PIEZO2: variants seen among roughly 807,000 people sequenced by gnomAD.
The protein encoded by PIEZO2 is piezo-type mechanosensitive ion channel component 2.
In PIEZO2, 172 loss-of-function variants were observed where a neutral mutation model predicts 337.3. The observed-to-expected ratio is 0.51, with a 90% CI of 0.45 to 0.58. PIEZO2 has a LOEUF of 0.58. Ranked by LOEUF, PIEZO2 falls within the 20% of genes least tolerant of loss-of-function variation. The pLI, the probability that PIEZO2 is intolerant of heterozygous loss-of-function variation, is 0.00. For missense variants in PIEZO2, 3,028 were observed against 3,391.3 expected (o/e 0.89, Z 2.66); for synonymous variants, 1,251 against 1,228.5 (o/e 1.02, Z -0.38).
Position 10,677,968 on chromosome 18 carries a change from T to G in PIEZO2, c.7953-93A>C. On this transcript the variant is annotated intron_variant, in intron 52 of 55. Coordinates refer to ENST00000674853, the MANE Select transcript of PIEZO2 (RefSeq NM_001378183.1). The surrounding 1 kb of genome is among the most constrained non-coding windows in gnomAD (Gnocchi z 4.1). ...TATTTAACTCTTAATTTGATTAATG[T>G]CACCACGTTTTCATTGGGTCCACAA... 2 of 1,272,118 alleles carry G rather than the reference T, an allele frequency of 1.6e-6. No homozygotes were observed. The highest frequency in any genetic ancestry group is 2.1e-6 in the Non-Finnish European group (2 of 948,952). The allele number at this position is 1,272,118 out of a possible 1,614,324, so 78.8% of individuals were successfully genotyped here.
At chr18:11,086,408 A>G (rs987488782) in intron 1 of PIEZO2, among the ~76,000 whole-genome samples, 31 of 151,082 alleles carry the variant, frequency 2.1e-4, no homozygotes, top group Admixed American at 4.0e-4. Context: ...AGTCCCAGCT[A>G]CTCAGGAGGC....
rs568726538 is a variant in PIEZO2 at position 10,919,049 on chromosome 18, AT to A, written c.287-7822del. Among the ~76,000 whole-genome samples the A allele has an allele frequency of 2.0e-4, 30 of 152,130 alleles. No homozygotes were observed. The South Asian group carries it at 4.4e-3, about 22-fold the overall frequency. On this transcript the variant is annotated intron_variant, in intron 3 of 55. Transcript: ENST00000674853. ...TATTCAAATATATGTGCTCAATTGAATTTTTTTAACACAGAGTTGAGTTTTT... is the reference window on the plus strand; with the variant it reads ...TATTCAAATATATGTGCTCAATTGAATTTTTTAACACAGAGTTGAGTTTTT...
chr18:10,866,211 T>C (rs969029945), intron 5 of PIEZO2, among the ~76,000 whole-genome samples: 2 of 152,206 alleles, frequency 1.3e-5, no homozygotes, highest in Non-Finnish European at 2.9e-5. Context: ...AAATCATTTT[T>C]ATTATGAGTT....
Position 10,759,354 on chromosome 18 carries a change from T to C in PIEZO2, c.3757+128A>G. 2.6e-6 allele frequency: 2 copies of C among 779,236 alleles called. No individual in the cohort carries two copies. Among genetic ancestry groups the C allele is most frequent in the African/African-American group, 3.5e-5 (2 of 57,420 alleles). The allele number at this position is 779,236 out of a possible 1,614,324, so 48.3% of individuals were successfully genotyped here. On this transcript the variant is annotated intron_variant, in intron 26 of 55. Coordinates refer to ENST00000674853, the MANE Select transcript of PIEZO2 (RefSeq NM_001378183.1). The surrounding 1 kb of genome is among the most constrained non-coding windows in gnomAD (Gnocchi z 5.5). ...ATTAATGACTTGTGATATTAATGCA[T>C]AAGACAAGCCTTTACATGATTACGA...
At chr18:10,996,900 C>T (rs2035343483) in intron 2 of PIEZO2, among the ~76,000 whole-genome samples, 1 of 152,120 alleles carries the variant, frequency 6.6e-6, no homozygotes, top group African/African-American at 2.4e-5. Flanking sequence ...AAATTTATAT[C>T]TCTGACCAAA....
At chr18:11,044,195 TATATTATAC>T (rs1467624050) in intron 2 of PIEZO2, among the ~76,000 whole-genome samples, 4 of 149,570 alleles carry the variant, frequency 2.7e-5, no homozygotes, top group African/African-American at 9.8e-5. Context: ...TAATATAATA[TATATTATAC>T]ATAAAATATA....
intron 2 of PIEZO2, among the ~76,000 whole-genome samples, chr18:11,059,701 G>A (rs1429822995): frequency 6.6e-6 from 1 of 152,026 alleles, no homozygotes; most frequent in African/African-American, 2.4e-5. Flanking sequence ...CAACAAGAAG[G>A]GCTAACTACC....
At chr18:11,145,126 G>A (rs1599028987) in intron 1 of PIEZO2, among the ~76,000 whole-genome samples, 1 of 152,134 alleles carries the variant, frequency 6.6e-6, no homozygotes, top group Admixed American at 6.5e-5. Flanking sequence ...TTATGTGTAA[G>A]AAAAAAAATC....
At position 10,705,387 on chromosome 18, in the gene PIEZO2, A is replaced by T; in HGVS notation, c.5948T>A (p.Ile1983Asn). 16 of 1,537,176 alleles carry T rather than the reference A, an allele frequency of 1.0e-5. No individual in the cohort carries two copies. Among genetic ancestry groups the T allele is most frequent in the Non-Finnish European group, 1.3e-5 (15 of 1,146,878 alleles). Residue 1983 changes from isoleucine (I) to asparagine (N), a missense_variant, in exon 41 of 56, where the codon ATC becomes AAC. Ile to Asn is a moderately radical substitution (Grantham distance 149, BLOSUM62 -3). Coordinates refer to ENST00000674853, the MANE Select transcript of PIEZO2 (RefSeq NM_001378183.1). ...DSRTDKLGSS[I>N]LPPLTHELTA... ...CAGCTCATGGGTCAGGGGAGGTAAG[A>T]TGCTGGACCCCAGCTTGTCGGTGCG... is the stretch of plus-strand genomic sequence containing the variant.
chr18:11,124,985 G>A (rs929372474), intron 1 of PIEZO2, among the ~76,000 whole-genome samples: 7 of 152,086 alleles, frequency 4.6e-5, no homozygotes, highest in African/African-American at 1.7e-4. Context: ...AAGTCCAGGT[G>A]TAGATCTACC....
At chr18:11,079,046 A>C (rs1371510608) in intron 1 of PIEZO2, among the ~76,000 whole-genome samples, 1 of 152,202 alleles carries the variant, frequency 6.6e-6, no homozygotes, top group Non-Finnish European at 1.5e-5. Flanking sequence ...TAAGTATTCC[A>C]ATAACATTTT....
At position 11,031,653 on chromosome 18, in the gene PIEZO2, T is replaced by C. The variant is rs960743740; in HGVS notation, c.160+34474A>G. Among the ~76,000 whole-genome samples, 2 of 152,154 alleles carry C rather than the reference T, an allele frequency of 1.3e-5. No individual in the cohort carries two copies. The highest frequency in any genetic ancestry group is 4.8e-5 in the African/African-American group (2 of 41,440). On this transcript the variant is annotated intron_variant, in intron 2 of 55. Coordinates refer to ENST00000674853, the MANE Select transcript of PIEZO2 (RefSeq NM_001378183.1). This position sits in a 1 kb window ranked among gnomAD's most constrained non-coding sequence, Gnocchi z 4.7. Reference sequence around the variant, plus strand: ...ATAGACACCAGCTACTCATAACTAATGCTAGCATTCCAGGGCAGCATTCCG... The same window carrying C: ...ATAGACACCAGCTACTCATAACTAACGCTAGCATTCCAGGGCAGCATTCCG...
chr18:10,976,999 A>ATG lies in PIEZO2; in HGVS notation c.286+2535_286+2536insCA, dbSNP rs1491283264. On this transcript the variant is annotated intron_variant, in intron 3 of 55. Transcript: ENST00000674853. ...GAAGAAGGAGCCAAAGCAAGAACAA[A>ATG]TATGTGTGTGTGTGTGTGTGTGTGT... Among the ~76,000 whole-genome samples, 446 of 50,306 alleles carry ATG rather than the reference A, an allele frequency of 8.9e-3. 4 individuals are homozygous for ATG. The highest frequency in any genetic ancestry group is 0.018 in the Middle Eastern group (2 of 110). The allele number at this position is 50,306 out of a possible 152,430, so 33.0% of individuals were successfully genotyped here.
intron 7 of PIEZO2, among the ~76,000 whole-genome samples, chr18:10,836,508 T>C (rs906078452): frequency 6.6e-6 from 1 of 152,150 alleles, no homozygotes; most frequent in African/African-American, 2.4e-5. Flanking sequence ...AGAAACCAGA[T>C]CACTTGCAAC....
rs1303593756 is a variant in PIEZO2, at chr18:10,762,958, G to A, written c.3087C>T (p.Thr1029=). The A allele has an allele frequency of 6.5e-7, 1 of 1,537,294 alleles. No individual in the cohort carries two copies. The highest frequency in any genetic ancestry group is 1.7e-4 in the Middle Eastern group (1 of 5,990). Reference sequence around the variant, plus strand: ...TAACAGAGAAGTTCTCAGGCTTAATGGTTTGGAGCTGGTACAACATTTTGC... The same window carrying A: ...TAACAGAGAAGTTCTCAGGCTTAATAGTTTGGAGCTGGTACAACATTTTGC... ...IVCKMLYQLQ[T]IKPENFSVNC... Residue 1029 remains threonine, a synonymous_variant, in exon 22 of 56, where the codon ACC becomes ACT. Transcript: ENST00000674853.
rs1287390026 is a variant in PIEZO2, at chr18:10,850,530, G to C, written c.917+4823C>G. On this transcript the variant is annotated intron_variant, in intron 7 of 55. Coordinates refer to ENST00000674853, the MANE Select transcript of PIEZO2 (RefSeq NM_001378183.1). This position sits in a 1 kb window ranked among gnomAD's most constrained non-coding sequence, Gnocchi z 4.5. ...AGATTTAGAAGTAATGTGGGCACTT[G>C]TTGCAGCCTTATTCATGAGAACAAA... Among the ~76,000 whole-genome samples, 1 of 152,170 alleles carries C rather than the reference G, an allele frequency of 6.6e-6. No homozygotes were observed. Among genetic ancestry groups the C allele is most frequent in the African/African-American group, 2.4e-5 (1 of 41,434 alleles).
chr18:10,697,994 T>TGG, intron 44 of PIEZO2, 114 bp from the exon 45 acceptor site: 2 of 365,560 alleles, frequency 5.5e-6, no homozygotes, highest in Non-Finnish European at 7.9e-6. Flanking sequence ...CAGGACTGTT[T>TGG]GGGAGGATGA....
In PIEZO2 at chr18:10,746,201, C is replaced by T. The variant is rs941852949; in HGVS notation, c.4425-1970G>A. Among the ~76,000 whole-genome samples the T allele has an allele frequency of 6.6e-6, 1 of 152,202 alleles. No individual in the cohort carries two copies. Among genetic ancestry groups the T allele is most frequent in the Non-Finnish European group, 1.5e-5 (1 of 68,036 alleles). ...GAGTGAGCTTCCTGAAATGCAAACA[C>T]GTCATATTACTTGCTTGTTTAAACA... On this transcript the variant is annotated intron_variant, in intron 30 of 55. Coordinates refer to ENST00000674853, the MANE Select transcript of PIEZO2 (RefSeq NM_001378183.1). This position sits in a 1 kb window ranked among gnomAD's most constrained non-coding sequence, Gnocchi z 4.2.
At position 11,038,778 on chromosome 18, in the gene PIEZO2, C is replaced by G. The variant is rs1309281543; in HGVS notation, c.160+27349G>C. On this transcript the variant is annotated intron_variant, in intron 2 of 55. Transcript: ENST00000674853. The surrounding 1 kb of genome is among the most constrained non-coding windows in gnomAD (Gnocchi z 4.1). ...CATGCATACATACAAATAAAATTAG[C>G]TCTATACAACCTATAGGTATAACGG... Among the ~76,000 whole-genome samples, 1 of 152,136 alleles carries G rather than the reference C, an allele frequency of 6.6e-6. No individual in the cohort carries two copies. The highest frequency in any genetic ancestry group is 1.5e-5 in the Non-Finnish European group (1 of 68,028).
Sources: allele counts gnomAD v4.1 joint callset (sites outside exome capture counted in the v4.1 genomes callset), GRCh38; gene constraint gnomAD v4.1.1; non-coding constraint Gnocchi (gnomAD v3.1); transcripts MANE v1.5; gene names NCBI Gene and HGNC (gene_info 2026-07-23, HGNC 2026-07-21).